IMMP2L: variants seen among roughly 807,000 people sequenced by gnomAD.
The protein encoded by IMMP2L is mitochondrial inner membrane protease subunit 2.
In IMMP2L, 18 loss-of-function variants were observed where a neutral mutation model predicts 19.3. The observed-to-expected ratio is 0.93, with a 90% CI of 0.64 to 1.38. The LOEUF (loss-of-function observed/expected upper bound fraction) is 1.38. Among genes scored for constraint, IMMP2L ranks in the 40% most tolerant of loss-of-function variants. The pLI is 0.00. For synonymous variants in IMMP2L, 76 were observed against 73.0 expected (o/e 1.04, Z -0.21); for missense variants, 233 against 218.2 (o/e 1.07, Z -0.43).
At chr7:111,470,227 A>G (rs2132095938) in intron 3 of IMMP2L, among the ~76,000 whole-genome samples, 1 of 152,284 alleles carries the variant, frequency 6.6e-6, no homozygotes, top group East Asian at 1.9e-4. Flanking sequence ...AGGGAACAAC[A>G]GGTGCTGGAG....
At chr7:111,362,968 T>C (rs1829404162) in intron 3 of IMMP2L, among the ~76,000 whole-genome samples, 1 of 152,072 alleles carries the variant, frequency 6.6e-6, no homozygotes, top group Non-Finnish European at 1.5e-5. Context: ...AGGACTTAGA[T>C]TCCTTCAAAA....
intron 3 of IMMP2L, among the ~76,000 whole-genome samples, chr7:111,306,048 T>C (rs746531413): frequency 6.6e-6 from 1 of 152,360 alleles, no homozygotes; most frequent in African/African-American, 2.4e-5. Flanking sequence ...ATCACTTTGA[T>C]ATCTTTGTTT....
In IMMP2L at chr7:111,521,298, T is replaced by G. The variant is rs201666865; in HGVS notation, c.135+15A>C. The G allele has an allele frequency of 1.2e-6, 2 of 1,606,448 alleles. No homozygotes were observed. Among genetic ancestry groups the G allele is most frequent in the Non-Finnish European group, 1.7e-6 (2 of 1,176,524 alleles). ...GAAGTATGTGCTTTAAAGAACGAAG[T>G]TATATCATTTTCACCTGCATCGATG... On this transcript the variant is annotated intron_variant, in intron 2 of 5. Transcript: ENST00000405709.
intron 5 of IMMP2L, among the ~76,000 whole-genome samples, chr7:110,731,821 T>C (rs1257346856): frequency 6.6e-6 from 1 of 152,186 alleles, no homozygotes; most frequent in Non-Finnish European, 1.5e-5. Context: ...ACTTAACTAA[T>C]TATTATAATC....
At chr7:110,774,426 T>C (rs1799240646) in intron 5 of IMMP2L, among the ~76,000 whole-genome samples, 1 of 152,058 alleles carries the variant, frequency 6.6e-6, no homozygotes, top group Non-Finnish European at 1.5e-5. Context: ...TATAAAAATA[T>C]TACTTTAACA....
At chr7:111,023,859 T>C (rs891151619) in intron 3 of IMMP2L, among the ~76,000 whole-genome samples, 2 of 152,032 alleles carry the variant, frequency 1.3e-5, no homozygotes, top group African/African-American at 2.4e-5. Context: ...GGATGAGGAG[T>C]CCATGACTCT....
intron 5 of IMMP2L, among the ~76,000 whole-genome samples, chr7:110,831,928 G>C (rs1164832329): frequency 1.3e-5 from 2 of 152,154 alleles, no homozygotes; most frequent in African/African-American, 4.8e-5. Context: ...GGTCCCAGCA[G>C]GGTTTTTTTT....
At chr7:111,273,332 G>GTTTAT (rs1818679057) in intron 3 of IMMP2L, among the ~76,000 whole-genome samples, 1 of 152,008 alleles carries the variant, frequency 6.6e-6, no homozygotes, top group Admixed American at 6.6e-5. Context: ...GAACACTGAG[G>GTTTAT]TATAAAGCCC....
chr7:110,977,550 A>T (rs918842957), intron 3 of IMMP2L, among the ~76,000 whole-genome samples: 17 of 152,032 alleles, frequency 1.1e-4, no homozygotes. Context: ...CGCTTCTAAG[A>T]TGACTACATA....
At chr7:110,792,986 G>GGA (rs1800573155) in intron 5 of IMMP2L, among the ~76,000 whole-genome samples, 2 of 152,042 alleles carry the variant, frequency 1.3e-5, no homozygotes, top group Admixed American at 1.3e-4. Context: ...ACAGAAAGAA[G>GGA]GAGACTGCAT....
chr7:111,040,165 G>A (rs1488009204), intron 3 of IMMP2L, among the ~76,000 whole-genome samples: 1 of 151,708 alleles, frequency 6.6e-6, no homozygotes, highest in African/African-American at 2.4e-5. Context: ...CCAAAACTCT[G>A]TCTCAAAAAA....
chr7:111,446,649 C>A (rs2131854276), intron 3 of IMMP2L, among the ~76,000 whole-genome samples: 1 of 152,282 alleles, frequency 6.6e-6, no homozygotes, highest in East Asian at 1.9e-4. Flanking sequence ...ACACAGAGCG[C>A]CTCTCCTCCT....
chr7:111,101,270 C>G (rs1048472062), intron 3 of IMMP2L, among the ~76,000 whole-genome samples: 2 of 151,416 alleles, frequency 1.3e-5, no homozygotes, highest in Admixed American at 6.6e-5. Flanking sequence ...TAATCAATGA[C>G]CATGATATAG....
intron 3 of IMMP2L, among the ~76,000 whole-genome samples, chr7:111,138,177 C>T (rs1802528294): frequency 6.6e-6 from 1 of 152,100 alleles, no homozygotes; most frequent in South Asian, 2.1e-4. Flanking sequence ...CAAAAAGGTA[C>T]TCCATTCATT....
chr7:111,382,875 G>A (rs916890884), intron 3 of IMMP2L, among the ~76,000 whole-genome samples: 6 of 152,026 alleles, frequency 3.9e-5, no homozygotes, highest in African/African-American at 1.2e-4. Flanking sequence ...AGTAATTACC[G>A]GGCACCTTTA....
At chr7:111,420,932 C>T (rs1440061386) in intron 3 of IMMP2L, among the ~76,000 whole-genome samples, 2 of 151,712 alleles carry the variant, frequency 1.3e-5, no homozygotes, top group Non-Finnish European at 2.9e-5. Flanking sequence ...AGTAATGGGA[C>T]CGCTGGGTCA....
intron 3 of IMMP2L, among the ~76,000 whole-genome samples, chr7:111,090,596 GA>G (rs759139034): frequency 7.8e-5 from 10 of 128,204 alleles, no homozygotes; most frequent in African/African-American, 3.0e-5. Context: ...ATCCAGACAA[GA>G]AATGTCATTG....
intron 3 of IMMP2L, among the ~76,000 whole-genome samples, chr7:111,285,449 A>C (rs1372181591): frequency 6.6e-6 from 1 of 152,216 alleles, no homozygotes; most frequent in Admixed American, 6.5e-5. Context: ...TTTGGACTGA[A>C]GTCTATGAAA....
intron 3 of IMMP2L, among the ~76,000 whole-genome samples, chr7:111,418,998 C>A (rs1037554673): frequency 6.6e-6 from 1 of 151,702 alleles, no homozygotes; most frequent in Non-Finnish European, 1.5e-5. Context: ...ATATTCTCAG[C>A]CTGAAATTAC....
Sources: gnomAD v4.1 joint callset for allele counts (sites outside exome capture counted in the v4.1 genomes callset) on GRCh38, gnomAD v4.1.1 for gene constraint, MANE v1.5 for transcripts, NCBI Gene and HGNC (gene_info 2026-07-23, HGNC 2026-07-21) for gene names.